Variants in ATL1 observed in about 807,000 individuals in gnomAD.
ATL1 encodes atlastin GTPase 1, also known as atlastin-1.
In ATL1, 31 loss-of-function variants were observed where a neutral mutation model predicts 75.5. The ratio of observed to expected loss-of-function variants is 0.41; its 90% CI spans 0.31 to 0.55. The LOEUF is 0.55. Ranked by LOEUF, ATL1 falls within the 20% of genes least tolerant of loss-of-function variation. ATL1 has a pLI of 0.27. For synonymous variants in ATL1, 226 were observed against 233.3 expected (o/e 0.97, Z 0.28); for missense variants, 405 against 662.6 (o/e 0.61, Z 4.27).
At chr14:50,535,748 A>G (rs1261022365) in intron 1 of ATL1, among the ~76,000 whole-genome samples, 1 of 152,188 alleles carries the variant, frequency 6.6e-6, no homozygotes, top group Non-Finnish European at 1.5e-5. Flanking sequence ...GAGGTGAGGA[A>G]GGCAGTCGAT....
intron 1 of ATL1, among the ~76,000 whole-genome samples, chr14:50,550,021 G>A (rs1489123177): frequency 1.3e-5 from 2 of 152,214 alleles, no homozygotes; most frequent in Non-Finnish European, 2.9e-5. Context: ...GCCAAGTGGC[G>A]ATGGCTACAT....
intron 6 of ATL1, among the ~76,000 whole-genome samples, chr14:50,602,854 G>T (rs1566727844): frequency 6.6e-6 from 1 of 152,040 alleles, no homozygotes; most frequent in Non-Finnish European, 1.5e-5. Flanking sequence ...GGTGTTTTAG[G>T]CACCTGGGTT....
At chr14:50,560,497 C>A (rs1475448954) in intron 1 of ATL1, 198 bp downstream of exon 1, 1 of 686,700 alleles carries the variant, frequency 1.5e-6, no homozygotes, top group Non-Finnish European at 2.5e-6. Flanking sequence ...ATCGCGCTGT[C>A]GGGGTGAGGG....
chr14:50,533,462 TAAC>T (rs1208790907), intron 1 of ATL1: 1 of 152,170 alleles, frequency 6.6e-6, no homozygotes, highest in Non-Finnish European at 1.5e-5. Context: ...TTAAAATACT[TAAC>T]AATGCACAGC....
At chr14:50,544,159 C>T (rs2038598843) in intron 1 of ATL1, among the ~76,000 whole-genome samples, 1 of 152,166 alleles carries the variant, frequency 6.6e-6, no homozygotes, top group African/African-American at 2.4e-5. Context: ...ACTGAAGCAA[C>T]CCAATGAAGA....
In ATL1 at chr14:50,606,674, A is replaced by G. The variant is rs577131347; in HGVS notation, c.631-6585A>G. Among the ~76,000 whole-genome samples the G allele has an allele frequency of 2.6e-3, 400 of 152,190 alleles. 3 individuals are homozygous for G. The highest frequency in any genetic ancestry group is 3.1e-3 in the Non-Finnish European group (214 of 67,964). On this transcript the variant is annotated intron_variant, in intron 6 of 13. Transcript: ENST00000358385. ...ACTTCCAACCATTAGTCTTTGGGGC[A>G]GTGTGAATGGGACTGAAGACTTCTT...
chr14:50,554,113 T>A (rs532878099), intron 1 of ATL1, among the ~76,000 whole-genome samples: 1 of 152,254 alleles, frequency 6.6e-6, no homozygotes, highest in South Asian at 2.1e-4. Flanking sequence ...TAAAAAGTTT[T>A]TTTTTTTTAA....
At chr14:50,591,875 A>G in intron 4 of ATL1, 1 of 456,044 alleles carries the variant, frequency 2.2e-6, no homozygotes, top group South Asian at 2.6e-5. Flanking sequence ...AGGTCATATT[A>G]TCTTATTGGG....
chr14:50,580,156 G>A (rs1285785414), intron 1 of ATL1, among the ~76,000 whole-genome samples: 4 of 152,094 alleles, frequency 2.6e-5, no homozygotes, highest in Non-Finnish European at 5.9e-5. Flanking sequence ...AAAGTTGAAT[G>A]TATCACGGTT....
At chr14:50,570,940 C>T (rs751903851) in intron 1 of ATL1, among the ~76,000 whole-genome samples, 21 of 152,168 alleles carry the variant, frequency 1.4e-4, no homozygotes, top group South Asian at 4.1e-4. Context: ...AAGATCTTCA[C>T]GGTCTTTTCT....
chr14:50,574,607 T>A (rs551618659), intron 1 of ATL1, among the ~76,000 whole-genome samples: 1 of 152,228 alleles, frequency 6.6e-6, no homozygotes, highest in South Asian at 2.1e-4. Flanking sequence ...TACAAAGGCA[T>A]ATGTATTTGT....
chr14:50,586,890 T>C lies in ATL1; in HGVS notation c.35-941T>C, dbSNP rs118086139. Among the ~76,000 whole-genome samples, 71 of 152,264 alleles carry C rather than the reference T, an allele frequency of 4.7e-4. 1 individual carries two copies. In the East Asian group the frequency reaches 0.013, roughly 29 times the overall value. On this transcript the variant is annotated intron_variant, in intron 1 of 13. Coordinates refer to ENST00000358385, the MANE Select transcript of ATL1 (RefSeq NM_015915.5). ...TCTCATGTGTCAAAAATACAGATAATAATAAATACCGTACTGGAACATTAC... is the reference window on the plus strand; with the variant it reads ...TCTCATGTGTCAAAAATACAGATAACAATAAATACCGTACTGGAACATTAC...
intron 1 of ATL1, among the ~76,000 whole-genome samples, chr14:50,540,831 A>G (rs1198322163): frequency 1.3e-5 from 2 of 152,232 alleles, no homozygotes; most frequent in African/African-American, 4.8e-5. Flanking sequence ...TACCCATGCC[A>G]AAGTAGAATA....
chr14:50,631,572 A>C (rs572139866), intron 13 of ATL1, among the ~76,000 whole-genome samples: 25 of 152,240 alleles, frequency 1.6e-4, no homozygotes, highest in Non-Finnish European at 3.1e-4. Context: ...TACAATACAC[A>C]GAGATTCCTA....
intron 5 of ATL1, 73 bp downstream of exon 5, chr14:50,593,969 A>C: frequency 8.9e-7 from 1 of 1,125,070 alleles, no homozygotes; most frequent in Non-Finnish European, 1.3e-6. Flanking sequence ...TTGGGGAATG[A>C]TTTCAAAACA....
intron 6 of ATL1, among the ~76,000 whole-genome samples, chr14:50,603,858 T>G (rs1413604889): frequency 6.6e-6 from 1 of 152,166 alleles, no homozygotes; most frequent in Non-Finnish European, 1.5e-5. Flanking sequence ...CTATCCCATG[T>G]TCTGTCGAGA....
intron 8 of ATL1, among the ~76,000 whole-genome samples, chr14:50,615,109 TAAAC>T (rs1033891731): frequency 5.3e-5 from 8 of 152,282 alleles, no homozygotes; most frequent in South Asian, 2.1e-4. Context: ...CTTGACTTGT[TAAAC>T]AAACAAACAA....
At chr14:50,541,939 A>C (rs188361915) in intron 1 of ATL1, among the ~76,000 whole-genome samples, 1 of 135,746 alleles carries the variant, frequency 7.4e-6, no homozygotes, top group African/African-American at 2.7e-5. Context: ...CCCAGGAGGC[A>C]GAGCTTGTAG....
intron 6 of ATL1, among the ~76,000 whole-genome samples, chr14:50,607,688 TG>T (rs1412590745): frequency 6.6e-6 from 1 of 152,078 alleles, no homozygotes; most frequent in Admixed American, 6.6e-5. Context: ...ACTGGCTGTA[TG>T]GTTTTAGAAC....
Sources: allele counts gnomAD v4.1 joint callset (sites outside exome capture counted in the v4.1 genomes callset), GRCh38; gene constraint gnomAD v4.1.1; transcripts MANE v1.5; gene names NCBI Gene and HGNC (gene_info 2026-07-23, HGNC 2026-07-21).